Variants in TXNDC16 observed in about 807,000 individuals in gnomAD.
TXNDC16 encodes thioredoxin domain-containing protein 16.
A neutral mutation model predicts 85.6 loss-of-function variants in TXNDC16; 74 were observed. That is an observed-to-expected ratio of 0.86 (90% CI 0.72 to 1.05). The LOEUF is 1.05. TXNDC16 is among the 50% of genes least tolerant of loss of function. The pLI, the probability that TXNDC16 is intolerant of heterozygous loss-of-function variation, is 0.00. For synonymous variants in TXNDC16, 335 were observed against 326.5 expected, an observed-to-expected ratio of 1.03 and a Z score of -0.28; for missense variants, 959 against 947.0, an observed-to-expected ratio of 1.01 and a Z score of -0.17.
At chr14:52,486,096 C>G (rs562689757) in intron 12 of TXNDC16, among the ~76,000 whole-genome samples, 1 of 152,070 alleles carries the variant, frequency 6.6e-6, no homozygotes, top group Admixed American at 6.5e-5. Context: ...TTCTTATTTA[C>G]TGTATTTTTT....
In TXNDC16 at chr14:52,474,029, T is replaced by C. The variant is rs141133890; in HGVS notation, c.1313-3349A>G. On this transcript the variant is annotated intron_variant, in intron 14 of 20. Coordinates refer to ENST00000281741, the MANE Select transcript of TXNDC16 (RefSeq NM_020784.3). ...AATAGTCCATTTATCTGATATCTGATTACCAAAAAAAATTGTTATTCATAA... is the reference window on the plus strand; with the variant it reads ...AATAGTCCATTTATCTGATATCTGACTACCAAAAAAAATTGTTATTCATAA... Among the ~76,000 whole-genome samples the C allele has an allele frequency of 1.8e-4, 28 of 152,288 alleles. No individual in the cohort carries two copies. The East Asian group carries it at 3.9e-3, about 21-fold the overall frequency.
intron 16 of TXNDC16, among the ~76,000 whole-genome samples, chr14:52,463,266 G>C (rs1485746671): frequency 6.6e-6 from 1 of 151,888 alleles, no homozygotes; most frequent in Non-Finnish European, 1.5e-5. Context: ...TTCAAAGTCT[G>C]AAAGAGAACT....
intron 8 of TXNDC16, among the ~76,000 whole-genome samples, chr14:52,511,830 C>T (rs2036963375): frequency 6.6e-6 from 1 of 152,112 alleles, no homozygotes; most frequent in South Asian, 2.1e-4. Context: ...GAATAAACTT[C>T]AGCCAAAACA....
intron 9 of TXNDC16, among the ~76,000 whole-genome samples, chr14:52,508,611 G>A (rs2036873874): frequency 6.6e-6 from 1 of 152,158 alleles, no homozygotes; most frequent in East Asian, 1.9e-4. Context: ...AAAGACACAT[G>A]CACACGTATG....
At chr14:52,493,912 C>A (rs1398726406) in intron 9 of TXNDC16, among the ~76,000 whole-genome samples, 1 of 151,966 alleles carries the variant, frequency 6.6e-6, no homozygotes, top group East Asian at 1.9e-4. Flanking sequence ...CACCAAATAG[C>A]TGGGACTACA....
chr14:52,534,627 A>C (rs1242356452), intron 6 of TXNDC16, among the ~76,000 whole-genome samples: 1 of 152,006 alleles, frequency 6.6e-6, no homozygotes, highest in East Asian at 1.9e-4. Context: ...CAGGAAGCCC[A>C]CTTAATAAAT....
chr14:52,482,819 C>T lies in TXNDC16; in HGVS notation c.1252+3G>A. ...TAACAGTCCTCTAAAGGCTCATACT[C>T]ACAACCAGCATAGAAGAGTACTATG... On this transcript the variant is annotated splice_donor_region_variant and intron_variant, in intron 13 of 20. Coordinates refer to ENST00000281741, the MANE Select transcript of TXNDC16 (RefSeq NM_020784.3). 5.0e-6 allele frequency: 8 copies of T among 1,593,680 alleles called. No individual in the cohort carries two copies. Among genetic ancestry groups the T allele is most frequent in the Non-Finnish European group, 6.8e-6 (8 of 1,174,324 alleles).
intron 4 of TXNDC16, among the ~76,000 whole-genome samples, chr14:52,541,534 A>G (rs2037831706): frequency 6.6e-6 from 1 of 152,224 alleles, no homozygotes; most frequent in African/African-American, 2.4e-5. Context: ...ACACATTTAA[A>G]AAATAGATAT....
At chr14:52,433,474 A>G (rs1214461887) in intron 20 of TXNDC16, among the ~76,000 whole-genome samples, 1 of 152,208 alleles carries the variant, frequency 6.6e-6, no homozygotes, top group Non-Finnish European at 1.5e-5. Flanking sequence ...GAAAGAATCT[A>G]TGCACTGTTA....
intron 12 of TXNDC16, among the ~76,000 whole-genome samples, chr14:52,483,379 T>C (rs575413012): frequency 6.6e-6 from 1 of 152,306 alleles, no homozygotes; most frequent in South Asian, 2.1e-4. Flanking sequence ...TTATAAATTA[T>C]GATCAATTTA....
rs528243902 is a variant in TXNDC16 at position 52,460,157 on chromosome 14, G to A, written c.1619-2983C>T. Among the ~76,000 whole-genome samples the A allele has an allele frequency of 5.3e-5, 8 of 152,154 alleles. No homozygotes were observed. In the East Asian group the frequency reaches 9.6e-4, roughly 18 times the overall value. The stretch of plus-strand genomic sequence containing the variant: ...TGGGAGGCCGAGGTGGGAGGATAAC[G>A]TGAGCTCAGGAGTTTGAGACCAGCC... On this transcript the variant is annotated intron_variant, in intron 16 of 20. Transcript: ENST00000281741.
intron 12 of TXNDC16, among the ~76,000 whole-genome samples, chr14:52,486,335 G>C (rs928555203): frequency 4.1e-5 from 6 of 145,144 alleles, no homozygotes; most frequent in African/African-American, 1.5e-4. Flanking sequence ...CCAGGTAGGA[G>C]TGCACTGGCA....
intron 6 of TXNDC16, among the ~76,000 whole-genome samples, chr14:52,535,959 G>A (rs1024124934): frequency 2.0e-5 from 3 of 152,048 alleles, no homozygotes; most frequent in Non-Finnish European, 4.4e-5. Flanking sequence ...GGGAGGTGGA[G>A]GTTGCAGTAA....
chr14:52,471,087 G>A (rs1373895842), intron 14 of TXNDC16, among the ~76,000 whole-genome samples: 5 of 152,020 alleles, frequency 3.3e-5, no homozygotes, highest in South Asian at 2.1e-4. Flanking sequence ...TCCTTTGAAC[G>A]GAAACCTCCT....
intron 9 of TXNDC16, among the ~76,000 whole-genome samples, chr14:52,492,933 T>A (rs552449712): frequency 6.6e-6 from 1 of 152,124 alleles, no homozygotes; most frequent in South Asian, 2.1e-4. Flanking sequence ...AAGACTGATG[T>A]TTTTGTTTTG....
At chr14:52,460,717 G>A (rs1464886243) in intron 16 of TXNDC16, among the ~76,000 whole-genome samples, 1 of 150,724 alleles carries the variant, frequency 6.6e-6, no homozygotes, top group African/African-American at 2.5e-5. Context: ...GTTTTAAAAA[G>A]CAAAGACCTT....
intron 4 of TXNDC16, among the ~76,000 whole-genome samples, chr14:52,540,877 A>G (rs547637341): frequency 1.3e-3 from 204 of 152,312 alleles, no homozygotes; most frequent in Admixed American, 3.0e-3. Flanking sequence ...TAGGCACTCA[A>G]CAAAGGTTTA....
chr14:52,437,235 G>A (rs973664481), intron 20 of TXNDC16, among the ~76,000 whole-genome samples: 1 of 152,020 alleles, frequency 6.6e-6, no homozygotes, highest in African/African-American at 2.4e-5. Context: ...TTCTGGCTCT[G>A]TCCAAATCAG....
At chr14:52,547,714 G>A (rs1046551867) in intron 1 of TXNDC16, among the ~76,000 whole-genome samples, 4 of 152,198 alleles carry the variant, frequency 2.6e-5, no homozygotes, top group African/African-American at 9.6e-5. Context: ...GTGTTCAACA[G>A]GGGGTGGCAG....
Sources: gnomAD v4.1 joint callset for allele counts (sites outside exome capture counted in the v4.1 genomes callset) on GRCh38, gnomAD v4.1.1 for gene constraint, MANE v1.5 for transcripts, NCBI Gene and HGNC (gene_info 2026-07-23, HGNC 2026-07-21) for gene names.